Variants in PHF11 observed in about 807,000 individuals in gnomAD.
The protein encoded by PHF11 is PHD finger protein 11, also known as BRCA1 C-terminus-associated protein.
Under a neutral mutation model 40.5 loss-of-function variants are expected in PHF11, and 38 were observed. That is an observed-to-expected ratio of 0.94 (90% CI 0.72 to 1.23). The LOEUF (loss-of-function observed/expected upper bound fraction) is 1.23. PHF11 is among the 50% of genes most tolerant of loss of function. PHF11 has a pLI of 0.00. For synonymous variants in PHF11, 127 were observed against 138.2 expected (o/e 0.92, Z 0.57); for missense variants, 369 against 392.4 (o/e 0.94, Z 0.50).
At chr13:49,521,968 G>C in intron 5 of PHF11, 75 bp from the exon 6 acceptor site, 2 of 733,794 alleles carry the variant, frequency 2.7e-6, no homozygotes, top group South Asian at 3.3e-5. Flanking sequence ...TGGCATATGA[G>C]TTGTATATTT....
chr13:49,511,204 C>T (rs1473922893), intron 2 of PHF11, among the ~76,000 whole-genome samples: 1 of 151,988 alleles, frequency 6.6e-6, no homozygotes, highest in African/African-American at 2.4e-5. Flanking sequence ...ATTCATTCAT[C>T]TGTTGGTAGA....
intron 2 of PHF11, among the ~76,000 whole-genome samples, chr13:49,509,087 C>T (rs1959048506): frequency 6.6e-6 from 1 of 152,048 alleles, no homozygotes; most frequent in African/African-American, 2.4e-5. Context: ...TTTTTATATA[C>T]ATAATTTGAT....
At chr13:49,524,478 T>C (rs1959215010) in intron 8 of PHF11, among the ~76,000 whole-genome samples, 1 of 120,744 alleles carries the variant, frequency 8.3e-6, no homozygotes. Context: ...TACCTCATTC[T>C]TTTTTTTTTT....
chr13:49,501,139 G>A (rs1348641600), intron 1 of PHF11, among the ~76,000 whole-genome samples: 1 of 151,010 alleles, frequency 6.6e-6, no homozygotes, highest in East Asian at 2.0e-4. Flanking sequence ...TCAGCCTCCC[G>A]AGTAGCGGGG....
At chr13:49,501,432 G>T (rs191696989) in intron 1 of PHF11, among the ~76,000 whole-genome samples, 7 of 152,264 alleles carry the variant, frequency 4.6e-5, no homozygotes, top group Non-Finnish European at 7.4e-5. Flanking sequence ...AGAATATTGG[G>T]ATGTTTTTCC....
At chr13:49,509,946 G>A (rs1959061064) in intron 2 of PHF11, among the ~76,000 whole-genome samples, 1 of 152,144 alleles carries the variant, frequency 6.6e-6, no homozygotes, top group African/African-American at 2.4e-5. Context: ...TCAAAATCAG[G>A]AAATTTTGTT....
At chr13:49,513,715 A>C (rs1959111099) in intron 3 of PHF11, among the ~76,000 whole-genome samples, 2 of 152,230 alleles carry the variant, frequency 1.3e-5, no homozygotes, top group African/African-American at 4.8e-5. Context: ...AAGTAGAAGA[A>C]AGCTCAAGTC....
At chr13:49,519,071 G>A (rs992766888) in intron 4 of PHF11, among the ~76,000 whole-genome samples, 2 of 152,002 alleles carry the variant, frequency 1.3e-5, no homozygotes, top group Non-Finnish European at 2.9e-5. Context: ...TCCTGACCTC[G>A]TGATCCGCCC....
Position 49,518,048 on chromosome 13 carries a change from A to C in PHF11, c.355A>C (p.Thr119Pro). 1.3e-6 allele frequency: 2 copies of C among 1,582,416 alleles called. No homozygotes were observed. The highest frequency in any genetic ancestry group is 1.7e-4 in the Middle Eastern group (1 of 6,000). Reference sequence around the variant, plus strand: ...CAAATTTTGTCATAAAAGAGGAGCCACCGTGGGATGTGATTTAAAAAACTG... The same window carrying C: ...CAAATTTTGTCATAAAAGAGGAGCCCCCGTGGGATGTGATTTAAAAAACTG... ...KCKFCHKRGATVGCDLKNCNK... is the reference protein window; with the variant it reads ...KCKFCHKRGAPVGCDLKNCNK... Residue 119 changes from threonine (T) to proline (P), a missense_variant, in exon 4 of 10, where the codon ACC becomes CCC. By Grantham distance (38) the Thr-to-Pro change is conservative (BLOSUM62 -1). Coordinates refer to ENST00000378319, the MANE Select transcript of PHF11 (RefSeq NM_001040443.3).
At chr13:49,527,949 C>T (rs1262356803) in intron 9 of PHF11, among the ~76,000 whole-genome samples, 19 of 152,122 alleles carry the variant, frequency 1.2e-4, no homozygotes, top group Admixed American at 8.5e-4. Flanking sequence ...TGTAACTGTT[C>T]GATTTTGAGG....
intron 2 of PHF11, among the ~76,000 whole-genome samples, chr13:49,510,609 G>A (rs1481819069): frequency 1.3e-5 from 2 of 152,062 alleles, no homozygotes; most frequent in Admixed American, 1.3e-4. Context: ...TGGACTACAA[G>A]CACGTACCAC....
chr13:49,526,344 C>T (rs1031977463), intron 8 of PHF11, 43 bp from the exon 9 acceptor site: 5 of 1,247,368 alleles, frequency 4.0e-6, no homozygotes, highest in Admixed American at 1.7e-5. Context: ...GAGTTTCTGC[C>T]TATACAAACT....
intron 7 of PHF11, 194 bp downstream of exon 7, chr13:49,523,435 G>T: frequency 1.7e-6 from 1 of 585,668 alleles, no homozygotes; most frequent in East Asian, 3.0e-5. Context: ...AGGTTGGAAT[G>T]GTCCATTGCA....
intron 1 of PHF11, among the ~76,000 whole-genome samples, chr13:49,499,983 G>A (rs1206971872): frequency 6.6e-6 from 1 of 152,208 alleles, no homozygotes; most frequent in East Asian, 1.9e-4. Flanking sequence ...ACCCTTGGCT[G>A]GAGGGCTTTA....
chr13:49,504,582 G>A (rs1014238966), intron 1 of PHF11, among the ~76,000 whole-genome samples: 2 of 135,554 alleles, frequency 1.5e-5, no homozygotes, highest in African/African-American at 5.7e-5. Flanking sequence ...GCCCCGTCCG[G>A]GAGGGAGGTG....
At chr13:49,520,132 C>G (rs1041878677) in intron 4 of PHF11, among the ~76,000 whole-genome samples, 1 of 152,188 alleles carries the variant, frequency 6.6e-6, no homozygotes, top group Non-Finnish European at 1.5e-5. Flanking sequence ...ACTGCAACTT[C>G]CAGCCTCCTG....
chr13:49,500,660 G>A (rs922765531), intron 1 of PHF11, among the ~76,000 whole-genome samples: 1 of 152,214 alleles, frequency 6.6e-6, no homozygotes, highest in Admixed American at 6.5e-5. Context: ...AGCCACTAGG[G>A]AGAACCTGTG....
chr13:49,508,663 T>C (rs980187820), intron 2 of PHF11, among the ~76,000 whole-genome samples: 1 of 152,098 alleles, frequency 6.6e-6, no homozygotes, highest in Admixed American at 6.5e-5. Context: ...GTCTTATTAG[T>C]TCTAAAACTT....
At chr13:49,524,291 A>T in intron 8 of PHF11, 75 bp downstream of exon 8, 1 of 656,288 alleles carries the variant, frequency 1.5e-6, no homozygotes, top group Non-Finnish European at 2.2e-6. Context: ...CAAACCCAAG[A>T]AAAAAAAAAA....
Sources: allele counts gnomAD v4.1 joint callset (sites outside exome capture counted in the v4.1 genomes callset), GRCh38; gene constraint gnomAD v4.1.1; transcripts MANE v1.5; gene names NCBI Gene and HGNC (gene_info 2026-07-23, HGNC 2026-07-21).